The following CHLSN variants were observed in gnomAD, a reference collection of about 807,000 sequenced individuals.
CHLSN encodes the protein cholesin, also known as protein cholesin.
chr7:1,061,015 T>C, the CHLSN span, among the ~76,000 whole-genome samples: 1 of 152,098 alleles, frequency 6.6e-6, no homozygotes, highest in African/African-American at 2.4e-5. Flanking sequence ...GCCGATACTT[T>C]CCAGCCCCCC....
the CHLSN span, among the ~76,000 whole-genome samples, chr7:1,018,245 C>T: frequency 6.6e-6 from 1 of 151,474 alleles, no homozygotes; most frequent in African/African-American, 2.4e-5. Context: ...AGCCGAGGCC[C>T]TACAGGAACA....
chr7:986,678 C>T, the CHLSN span: 2 of 1,612,700 alleles, frequency 1.2e-6, no homozygotes, highest in Middle Eastern at 1.7e-4. Flanking sequence ...CCGGCCCGTC[C>T]TGCGCAAGAT....
the CHLSN span, among the ~76,000 whole-genome samples, chr7:1,095,306 TACA>T: frequency 2.8e-4 from 37 of 130,448 alleles, no homozygotes; most frequent in African/African-American, 1.0e-3. Context: ...GCGCTGTCTT[TACA>T]ACAATACCCA....
chr7:986,454 G>A, the CHLSN span: 1 of 732,446 alleles, frequency 1.4e-6, no homozygotes, highest in Admixed American at 3.0e-5. Flanking sequence ...TTTCCTGGCA[G>A]TTCCTGGTCC....
At chr7:1,065,434 A>T in the CHLSN span, among the ~76,000 whole-genome samples, 2 of 152,284 alleles carry the variant, frequency 1.3e-5, no homozygotes, top group African/African-American at 4.8e-5. Flanking sequence ...CAACAGGTGG[A>T]CAGATAAACA....
the CHLSN span, among the ~76,000 whole-genome samples, chr7:1,121,678 G>A: frequency 6.6e-6 from 1 of 152,250 alleles, no homozygotes; most frequent in Non-Finnish European, 1.5e-5. Context: ...CAGCCAGGCG[G>A]TCACGCCAGA....
chr7:1,050,350 G>GGAGCC, the CHLSN span, among the ~76,000 whole-genome samples: 1 of 152,260 alleles, frequency 6.6e-6, no homozygotes, highest in Admixed American at 6.5e-5. Context: ...AGCAGAGCAG[G>GGAGCC]GAGCCGTCCA....
chr7:1,075,962 T>A, the CHLSN span: 2 of 148,876 alleles, frequency 1.3e-5, no homozygotes, highest in Admixed American at 6.7e-5. Context: ...AGAGTCTGAG[T>A]CACCAAAGCC....
the CHLSN span, chr7:1,091,941 C>T: frequency 1.2e-6 from 2 of 1,613,986 alleles, no homozygotes; most frequent in South Asian, 2.2e-5. Context: ...TCCTCTTCCC[C>T]ATCGGCTTTG....
the CHLSN span, among the ~76,000 whole-genome samples, chr7:1,084,833 C>T: frequency 2.0e-5 from 3 of 152,250 alleles, no homozygotes; most frequent in African/African-American, 4.8e-5. Context: ...GTTGTTTGGA[C>T]GGCGACATGC....
chr7:1,091,491 GGCCC>G, the CHLSN span: 2 of 494,342 alleles, frequency 4.0e-6, no homozygotes, highest in African/African-American at 1.9e-5. Flanking sequence ...GCACGCGGAG[GGCCC>G]TCGCCTCCAC....
the CHLSN span, among the ~76,000 whole-genome samples, chr7:1,081,558 C>T: frequency 2.2e-4 from 34 of 152,196 alleles, no homozygotes; most frequent in Non-Finnish European, 3.2e-4. Flanking sequence ...GCCACGCGGA[C>T]GGGGAAGCTG....
chr7:1,121,283 A>T, the CHLSN span, among the ~76,000 whole-genome samples: 2 of 152,224 alleles, frequency 1.3e-5, no homozygotes, highest in Middle Eastern at 6.8e-3. Flanking sequence ...AAATAAAAAC[A>T]ATGTGGTGGG....
At chr7:985,770 CCT>C in the CHLSN span, among the ~76,000 whole-genome samples, 1 of 152,188 alleles carries the variant, frequency 6.6e-6, no homozygotes, top group African/African-American at 2.4e-5. Context: ...GTAAAGATCC[CCT>C]CTTTTTGGTC....
the CHLSN span, among the ~76,000 whole-genome samples, chr7:995,790 G>T: frequency 6.6e-6 from 1 of 152,260 alleles, no homozygotes; most frequent in Admixed American, 6.5e-5. Flanking sequence ...CTCGCCTGCC[G>T]CCGGCAAGGC....
the CHLSN span, among the ~76,000 whole-genome samples, chr7:1,011,150 G>A: frequency 1.6e-4 from 18 of 113,302 alleles, no homozygotes; most frequent in African/African-American, 2.4e-4. Context: ...TACCCACACC[G>A]ACCCACACCC....
chr7:1,028,944 C>G, the CHLSN span: 1 of 497,998 alleles, frequency 2.0e-6, no homozygotes, highest in Non-Finnish European at 2.6e-6. Context: ...CCTGCCCAGG[C>G]CCTGCAGGCA....
the CHLSN span, among the ~76,000 whole-genome samples, chr7:1,045,089 C>CT: frequency 2.6e-5 from 4 of 152,226 alleles, no homozygotes; most frequent in Admixed American, 6.5e-5. Flanking sequence ...TGTCAGTTGT[C>CT]TTGGACAGTT....
At chr7:1,002,247 G>A in the CHLSN span, among the ~76,000 whole-genome samples, 1 of 120,058 alleles carries the variant, frequency 8.3e-6, no homozygotes, top group East Asian at 2.8e-4. Context: ...CTGCGGGTGA[G>A]TGGAGTCCTG....
Sources: gnomAD v4.1 joint callset for allele counts (sites outside exome capture counted in the v4.1 genomes callset) on GRCh38, gnomAD v4.1.1 for gene constraint, MANE v1.5 for transcripts, NCBI Gene and HGNC (gene_info 2026-07-23, HGNC 2026-07-21) for gene names.